The following ERI3 variants were observed in gnomAD, a reference collection of about 807,000 sequenced individuals.
ERI3 encodes ERI1 exoribonuclease family member 3.
ERI3 carries 18 observed loss-of-function variants against 44.4 expected under a neutral mutation model. That is an observed-to-expected ratio of 0.41 (90% CI 0.28 to 0.60). The LOEUF is 0.60. Ranked by LOEUF, ERI3 falls within the 20% of genes least tolerant of loss-of-function variation. ERI3 has a pLI of 0.36. For missense variants in ERI3, 294 were observed against 435.5 expected (o/e 0.68, Z 2.89); for synonymous variants, 183 against 164.8 (o/e 1.11, Z -0.84).
At chr1:44,245,839 G>A (rs995704006) in intron 8 of ERI3, among the ~76,000 whole-genome samples, 1 of 152,290 alleles carries the variant, frequency 6.6e-6, no homozygotes, top group African/African-American at 2.4e-5. Context: ...ATTAACCCAG[G>A]CTGTCCCTAG....
intron 4 of ERI3, among the ~76,000 whole-genome samples, chr1:44,314,159 G>C (rs1405745220): frequency 6.6e-6 from 1 of 151,560 alleles, no homozygotes; most frequent in Non-Finnish European, 1.5e-5. Flanking sequence ...GTGTTGGGGG[G>C]GGGGAGATTA....
At chr1:44,311,211 G>A (rs1357709518) in intron 5 of ERI3, among the ~76,000 whole-genome samples, 5 of 152,082 alleles carry the variant, frequency 3.3e-5, no homozygotes, top group Non-Finnish European at 7.4e-5. Flanking sequence ...CACAACAGGA[G>A]GCCACACTCA....
chr1:44,353,850 C>G (rs759513419), intron 1 of ERI3: 1 of 985,196 alleles, frequency 1.0e-6, no homozygotes, highest in Non-Finnish European at 1.2e-6. Context: ...ATAAAGGAAA[C>G]CTTATCAATC....
chr1:44,354,429 C>CT (rs1176013231), intron 1 of ERI3: 12 of 985,348 alleles, frequency 1.2e-5, no homozygotes, highest in African/African-American at 3.5e-5. Context: ...CAAGTTCATG[C>CT]TTTTTTTAAG....
chr1:44,231,535 CTTTT>C (rs1010492408), intron 8 of ERI3, among the ~76,000 whole-genome samples: 1 of 151,708 alleles, frequency 6.6e-6, no homozygotes, highest in Non-Finnish European at 1.5e-5. Context: ...CCATGCCTGG[CTTTT>C]TTTTGTGTGT....
At chr1:44,304,676 T>C (rs1246870970) in intron 6 of ERI3, among the ~76,000 whole-genome samples, 2 of 152,164 alleles carry the variant, frequency 1.3e-5, no homozygotes, top group Non-Finnish European at 2.9e-5. Flanking sequence ...TTCAGTGGTC[T>C]TGACCGCTTG....
intron 3 of ERI3, among the ~76,000 whole-genome samples, chr1:44,323,443 G>A (rs554165333): frequency 6.6e-6 from 1 of 152,140 alleles, no homozygotes; most frequent in Admixed American, 6.5e-5. Flanking sequence ...TGGCAGACAG[G>A]TTACATCATC....
At chr1:44,280,945 C>T in intron 7 of ERI3, among the ~76,000 whole-genome samples, 1 of 152,182 alleles carries the variant, frequency 6.6e-6, no homozygotes, top group Non-Finnish European at 1.5e-5. Flanking sequence ...AGGAACTATT[C>T]AGAGCGATGG....
intron 6 of ERI3, among the ~76,000 whole-genome samples, chr1:44,306,383 C>A (rs1645832362): frequency 6.6e-6 from 1 of 152,210 alleles, no homozygotes; most frequent in African/African-American, 2.4e-5. Context: ...ATACCACCAC[C>A]CACCAGAGAC....
chr1:44,264,858 C>T (rs764972716), intron 7 of ERI3, among the ~76,000 whole-genome samples: 3 of 152,222 alleles, frequency 2.0e-5, no homozygotes, highest in Non-Finnish European at 4.4e-5. Flanking sequence ...TGGGCTCAAA[C>T]TATTAGGGTG....
chr1:44,351,678 T>C (rs1036228776), intron 2 of ERI3, among the ~76,000 whole-genome samples: 5 of 152,218 alleles, frequency 3.3e-5, no homozygotes, highest in Non-Finnish European at 5.9e-5. Context: ...CCTAAGAGTT[T>C]ATAAGGCTAA....
intron 1 of ERI3, chr1:44,353,237 G>A (rs1646933155): frequency 2.0e-6 from 2 of 985,212 alleles, no homozygotes; most frequent in African/African-American, 1.7e-5. Flanking sequence ...CAAGGAGGAA[G>A]ACACTGGTAA....
At chr1:44,225,334 C>T (rs985386182) in intron 8 of ERI3, among the ~76,000 whole-genome samples, 6 of 152,084 alleles carry the variant, frequency 3.9e-5, no homozygotes, top group South Asian at 2.1e-4. Context: ...AGTGCAGTGG[C>T]GTGACCTCAG....
chr1:44,322,726 A>T (rs161721), intron 3 of ERI3: 1,523,913 of 1,548,182 alleles, frequency 0.98, 750,125 homozygotes, highest in East Asian at 0.99. Context: ...ACTTCTTACC[A>T]TCCCATATTG....
intron 7 of ERI3, among the ~76,000 whole-genome samples, chr1:44,249,188 C>T (rs1407075853): frequency 6.6e-6 from 1 of 152,182 alleles, no homozygotes; most frequent in Non-Finnish European, 1.5e-5. Context: ...TCCCCAAACA[C>T]CAGGCTGCCC....
chr1:44,292,584 G>A (rs1645529978), intron 6 of ERI3, among the ~76,000 whole-genome samples: 1 of 152,176 alleles, frequency 6.6e-6, no homozygotes, highest in Non-Finnish European at 1.5e-5. Flanking sequence ...GCTGGTGGGA[G>A]GGCAATGTCA....
At chr1:44,345,569 G>A (rs1646768083) in intron 2 of ERI3, among the ~76,000 whole-genome samples, 1 of 152,178 alleles carries the variant, frequency 6.6e-6, no homozygotes, top group African/African-American at 2.4e-5. Flanking sequence ...AGTATCACAA[G>A]TGCTCAGGCA....
chr1:44,269,027 T>C (rs1645041087), intron 7 of ERI3, among the ~76,000 whole-genome samples: 2 of 152,202 alleles, frequency 1.3e-5, no homozygotes, highest in Admixed American at 6.5e-5. Context: ...AGCAATGCCC[T>C]GCCTTCCCTG....
chr1:44,314,375 T>C (rs1255635419), intron 4 of ERI3, among the ~76,000 whole-genome samples: 1 of 152,172 alleles, frequency 6.6e-6, no homozygotes, highest in African/African-American at 2.4e-5. Flanking sequence ...TAGGTGGTAT[T>C]TTAAGGAAGT....
Sources: gnomAD v4.1 joint callset for allele counts (sites outside exome capture counted in the v4.1 genomes callset) on GRCh38, gnomAD v4.1.1 for gene constraint, MANE v1.5 for transcripts, NCBI Gene and HGNC (gene_info 2026-07-23, HGNC 2026-07-21) for gene names.